FAM53A: variants seen among roughly 807,000 people sequenced by gnomAD.
The protein encoded by FAM53A is protein FAM53A.
In FAM53A, 28 loss-of-function variants were observed where a neutral mutation model predicts 26.6. The observed-to-expected ratio is 1.05, with a 90% CI of 0.78 to 1.45. The LOEUF is 1.45. FAM53A is among the 40% of genes most tolerant of loss of function. The pLI is 0.00. For synonymous variants in FAM53A, 290 were observed against 253.1 expected (o/e 1.15, Z -1.38); for missense variants, 650 against 575.8 (o/e 1.13, Z -1.32).
At chr4:1,616,084 A>T (rs1203044880), downstream of FAM53A, among the ~76,000 whole-genome samples, 1 of 152,212 alleles carries the variant, frequency 6.6e-6, no homozygotes, top group African/African-American at 2.4e-5. Flanking sequence ...TGGATGCAGT[A>T]AGCAGGTTCT....
rs369663396 is a variant in FAM53A, at chr4:1,641,259, C to T, written c.*34G>A. ...CTCTGTGCCCCAGGGCAGGTGCAGG[C>T]GGCAGCCATGGCCCCGACCAGCCCC... On this transcript the variant is annotated 3_prime_UTR_variant, in exon 5 of 5. Coordinates refer to ENST00000308132, the MANE Select transcript of FAM53A (RefSeq NM_001174070.3). 4.0e-5 allele frequency: 65 copies of T among 1,609,024 alleles called. No individual in the cohort carries two copies. The highest frequency in any genetic ancestry group is 8.8e-5 in the South Asian group (8 of 90,870).
rs767125950 is a variant in FAM53A, at chr4:1,655,309, G to A, written c.551C>T (p.Thr184Met). 8 of 1,418,424 alleles carry A rather than the reference G, an allele frequency of 5.6e-6. No homozygotes were observed. The highest frequency in any genetic ancestry group is 6.4e-5 in the Admixed American group (2 of 31,324). 87.9% of individuals were successfully genotyped at this position (1,418,424 alleles called of 1,614,324 possible). The change falls in exon 4 of 5, where the codon ACG (threonine) becomes ATG (methionine). Residue 184 changes from threonine to methionine, a missense_variant. By Grantham distance (81) the Thr-to-Met change is moderately conservative. Transcript: ENST00000308132. ...GCCGCTGGCGGAGGACGGCCGGGGC[G>A]TGGCGGGCGAGGTGGGACCGGTCGA... ...VWSTGPTSPA[T>M]PRPSSASGGF...
chr4:1,634,342 C>T (rs1442773967), intron 1 of FAM53A, among the ~76,000 whole-genome samples: 1 of 152,076 alleles, frequency 6.6e-6, no homozygotes, highest in Non-Finnish European at 1.5e-5. Context: ...CACAACCCCT[C>T]CACACCCGTC....
chr4:1,645,499 A>G (rs1463604670), intron 4 of FAM53A, among the ~76,000 whole-genome samples: 1 of 152,248 alleles, frequency 6.6e-6, no homozygotes, highest in African/African-American at 2.4e-5. Flanking sequence ...TGAGGGGCAC[A>G]CAGCCTTACA....
At chr4:1,652,596 A>G (rs1042081904) in intron 4 of FAM53A, among the ~76,000 whole-genome samples, 1 of 143,820 alleles carries the variant, frequency 7.0e-6, no homozygotes, top group Non-Finnish European at 1.5e-5. Flanking sequence ...CATCACACAC[A>G]CCACACATCA....
Position 1,659,862 on chromosome 4 carries a change from A to C in FAM53A, c.76-2394T>G, listed in dbSNP as rs1560179208. 6.6e-6 allele frequency among the ~76,000 whole-genome samples: 1 copy of C among 152,016 alleles called. No homozygotes were observed. The highest frequency in any genetic ancestry group is 1.5e-5 in the Non-Finnish European group (1 of 68,002). ...CTCTCACATATGCGCACTTAATTCC[A>C]TTCATGAGGGCACTGCCGCCATGAC... is the stretch of plus-strand genomic sequence containing the variant. On this transcript the variant is annotated intron_variant, in intron 2 of 4. Transcript: ENST00000308132. The surrounding 1 kb of genome is among the most constrained non-coding windows in gnomAD (Gnocchi z 5.2).
At chr4:1,624,604 A>G (rs1715198043) in intron 1 of FAM53A, among the ~76,000 whole-genome samples, 1 of 152,186 alleles carries the variant, frequency 6.6e-6, no homozygotes, top group Non-Finnish European at 1.5e-5. Context: ...CTCAAAGGCA[A>G]TAACAGAACC....
chr4:1,665,420 C>T (rs979864895), intron 2 of FAM53A, among the ~76,000 whole-genome samples: 50 of 150,492 alleles, frequency 3.3e-4, no homozygotes, highest in Admixed American at 3.3e-3. Flanking sequence ...GCCCTGGAAG[C>T]GGAGTTGCAA....
rs999484326 is a variant in FAM53A, at chr4:1,667,198, C to CTGAG, written c.75+1465_75+1468dup. ...CCTGTAACGTTAGCTACTCGGGAGG[C>CTGAG]TGAGGCACGAGAATCACTTGAACCC... On this transcript the variant is annotated intron_variant, in intron 2 of 4. Coordinates refer to ENST00000308132, the MANE Select transcript of FAM53A (RefSeq NM_001174070.3). 3.3e-5 allele frequency among the ~76,000 whole-genome samples: 5 copies of CTGAG among 152,024 alleles called. No homozygotes were observed. The South Asian group carries it at 1.0e-3, about 32-fold the overall frequency.
chr4:1,603,959 G>C, the FAM53A span, among the ~76,000 whole-genome samples: 3 of 152,172 alleles, frequency 2.0e-5, no homozygotes, highest in African/African-American at 7.2e-5. Context: ...CAGGTAGGAG[G>C]GTTCCCATCC....
At chr4:1,612,704 C>A in the FAM53A span, among the ~76,000 whole-genome samples, 5 of 152,212 alleles carry the variant, frequency 3.3e-5, no homozygotes, top group Non-Finnish European at 7.3e-5. Flanking sequence ...CACCCACATG[C>A]GCACAGCATA....
In FAM53A at chr4:1,668,753, C is replaced by T. The variant is rs1194479183; in HGVS notation, c.-12G>A. The T allele has an allele frequency of 7.4e-6, 12 of 1,614,040 alleles. No homozygotes were observed. The highest frequency in any genetic ancestry group is 1.3e-5 in the African/African-American group (1 of 75,060). ...ATGAGTGTGACCATGGTCGGGGCCCCGTGTCCTCCGTCCACACCAACAGGC... is the reference window on the plus strand; with the variant it reads ...ATGAGTGTGACCATGGTCGGGGCCCTGTGTCCTCCGTCCACACCAACAGGC... On this transcript the variant is annotated 5_prime_UTR_variant, in exon 2 of 5. Transcript: ENST00000308132.
upstream of FAM53A, among the ~76,000 whole-genome samples, chr4:1,684,494 C>G (rs909513577): frequency 1.0e-4 from 15 of 150,752 alleles, no homozygotes; most frequent in South Asian, 2.7e-3. Flanking sequence ...CCCACCGAGT[C>G]CGCAGCGCGC....
chr4:1,617,974 C>G, exon 2 of FAM53A: 1 of 451,182 alleles, frequency 2.2e-6, no homozygotes, highest in South Asian at 1.6e-5. Context: ...GCCACCACAA[C>G]AGAACTGACG....
chr4:1,594,757 C>T, the FAM53A span, among the ~76,000 whole-genome samples: 357 of 152,310 alleles, frequency 2.3e-3, 1 homozygote, highest in African/African-American at 8.3e-3. Flanking sequence ...ACAGGAGGAT[C>T]ACTTGAGTGT....
chr4:1,626,552 CCCGGGGGG>C, intron 1 of FAM53A, among the ~76,000 whole-genome samples: 4 of 149,506 alleles, frequency 2.7e-5, no homozygotes, highest in South Asian at 2.1e-4. Context: ...ATGCCCTGAG[CCCGGGGGG>C]ACCCGGGGAG....
intron 1 of FAM53A, among the ~76,000 whole-genome samples, chr4:1,675,195 C>T (rs1219389330): frequency 6.6e-6 from 1 of 152,186 alleles, no homozygotes; most frequent in Non-Finnish European, 1.5e-5. Flanking sequence ...GTAGAAGAGA[C>T]GTGGGAAGTG....
chr4:1,682,900 G>C (rs11947866), intron 1 of FAM53A, among the ~76,000 whole-genome samples: 55,182 of 152,252 alleles, frequency 0.36, 12,913 homozygotes, highest in African/African-American at 0.67. Flanking sequence ...CGCATCCAAA[G>C]GGGCGGGACA....
At position 1,668,826 on chromosome 4, in the gene FAM53A, GTCA is replaced by G; in HGVS notation, c.-88_-86del. ...CTTGCGAAGGCCCCAGCATTGCTGGGTCAGCCAAATCTCAAGGTCATGTCTCCA... is the reference window on the plus strand; with the variant it reads ...CTTGCGAAGGCCCCAGCATTGCTGGGGCCAAATCTCAAGGTCATGTCTCCA... On this transcript the variant is annotated 5_prime_UTR_variant, in exon 2 of 5. An upstream open reading frame in the 5' UTR loses its in-frame stop. Coordinates refer to ENST00000308132, the MANE Select transcript of FAM53A (RefSeq NM_001174070.3). 2 of 1,326,392 alleles carry G rather than the reference GTCA, an allele frequency of 1.5e-6. No homozygotes were observed. The highest frequency in any genetic ancestry group is 2.2e-6 in the Non-Finnish European group (2 of 929,294). The allele number at this position is 1,326,392 out of a possible 1,614,324, so 82.2% of individuals were successfully genotyped here. A position where few individuals can be genotyped will look rare whatever the true frequency, so the allele number is the denominator to read the frequency against.
Sources: gnomAD v4.1 joint callset for allele counts (sites outside exome capture counted in the v4.1 genomes callset) on GRCh38, gnomAD v4.1.1 for gene constraint, Gnocchi (gnomAD v3.1) non-coding constraint, MANE v1.5 for transcripts, NCBI Gene and HGNC (gene_info 2026-07-23, HGNC 2026-07-21) for gene names.